Variants in STAG2 observed in about 807,000 individuals in gnomAD.
STAG2 encodes the protein STAG2 cohesin complex component, also known as cohesin subunit SA-2.
In STAG2, 14 loss-of-function variants were observed where a neutral mutation model predicts 108.1. The observed-to-expected ratio is 0.13, with a 90% CI of 0.09 to 0.20. The LOEUF (loss-of-function observed/expected upper bound fraction) is 0.20. Among genes scored for constraint, STAG2 ranks in the 10% least tolerant of loss-of-function variants. The pLI, the probability that STAG2 is intolerant of heterozygous loss-of-function variation, is 1.00. For synonymous variants in STAG2, 307 were observed against 302.7 expected (o/e 1.01, Z -0.15); for missense variants, 440 against 940.9 (o/e 0.47, Z 6.96).
chrX:124,025,983 A>G, intron 4 of STAG2, 65 bp downstream of exon 4: 1 of 824,292 alleles, frequency 1.2e-6, no homozygotes, highest in Non-Finnish European at 1.7e-6. Context: ...GATTTAAGTT[A>G]TGTCTCAGAT....
chrX:124,041,986 G>A (rs1363004902), intron 6 of STAG2, among the ~76,000 whole-genome samples: 3 of 110,927 alleles, frequency 2.7e-5, no homozygotes, highest in African/African-American at 9.8e-5. Context: ...TACTACTTTT[G>A]ACAGCTTCTT....
At chrX:124,058,154 CT>C (rs999044036) in intron 15 of STAG2, among the ~76,000 whole-genome samples, 177 bp downstream of exon 15, 263 of 72,921 alleles carry the variant, frequency 3.6e-3, no homozygotes, top group African/African-American at 6.0e-3. Flanking sequence ...TACTTTTCTT[CT>C]TTTTTTTTTT....
chrX:124,064,459 T>C (rs2058464517), intron 20 of STAG2, among the ~76,000 whole-genome samples: 1 of 108,709 alleles, frequency 9.2e-6, no homozygotes, highest in South Asian at 4.0e-4. Context: ...TTTTTTTTTT[T>C]TGGAGACGGA....
intron 23 of STAG2, among the ~76,000 whole-genome samples, chrX:124,066,932 T>G (rs1356519345): frequency 8.9e-6 from 1 of 111,978 alleles, no homozygotes; most frequent in Non-Finnish European, 1.9e-5. Flanking sequence ...TGATAATCCT[T>G]AATGTGTTTA....
intron 1 of STAG2, among the ~76,000 whole-genome samples, chrX:123,993,759 G>T (rs2055593726): frequency 9.0e-6 from 1 of 111,564 alleles, no homozygotes; most frequent in Non-Finnish European, 1.9e-5. Flanking sequence ...AAATACCTGA[G>T]ACCTGTATAC....
At chrX:124,029,103 G>A (rs1376502300) in intron 4 of STAG2, among the ~76,000 whole-genome samples, 1 of 103,779 alleles carries the variant, frequency 9.6e-6, no homozygotes, top group Non-Finnish European at 1.9e-5. Flanking sequence ...TGCAAGCTCC[G>A]CCTTCTGGGT....
intron 6 of STAG2, among the ~76,000 whole-genome samples, chrX:124,041,934 C>T (rs1014296588): frequency 9.0e-6 from 1 of 111,328 alleles, no homozygotes; most frequent in Non-Finnish European, 1.9e-5. Flanking sequence ...GGAGTCAGAG[C>T]TATAGCATTT....
intron 1 of STAG2, among the ~76,000 whole-genome samples, chrX:123,965,496 T>C (rs1415262852): frequency 8.9e-6 from 1 of 111,795 alleles, no homozygotes; most frequent in Non-Finnish European, 1.9e-5. Context: ...AGGCTAAGGC[T>C]CAGATCTATT....
chrX:124,069,835 G>C (rs1433977160), intron 24 of STAG2, among the ~76,000 whole-genome samples: 1 of 111,680 alleles, frequency 9.0e-6, no homozygotes, highest in Non-Finnish European at 1.9e-5. Flanking sequence ...CTATAATTCA[G>C]ATGAAAGGAA....
At chrX:124,073,153 A>G (rs1309501679) in intron 25 of STAG2, among the ~76,000 whole-genome samples, 1 of 110,332 alleles carries the variant, frequency 9.1e-6, no homozygotes, top group Admixed American at 9.8e-5. Context: ...AGAAGCTAAC[A>G]ACTGAAGTTA....
Position 124,100,705 on chromosome X carries a change from A to G in STAG2, c.*108A>G, listed in dbSNP as rs1215095369. The G allele has an allele frequency of 3.1e-6, 2 of 639,655 alleles. No homozygotes were observed. Among genetic ancestry groups the G allele is most frequent in the Admixed American group, 5.5e-5 (2 of 36,425 alleles). The allele number at this position is 639,655 out of a possible 1,213,427, so 52.7% of individuals were successfully genotyped here. ...TCTGTACAGATTTTTCTCTAAGGAGAATATGACATGCTTATGCTTACCAAG... is the reference window on the plus strand; with the variant it reads ...TCTGTACAGATTTTTCTCTAAGGAGGATATGACATGCTTATGCTTACCAAG... On this transcript the variant is annotated 3_prime_UTR_variant, in exon 35 of 35. Transcript: ENST00000371145.
At chrX:124,058,809 G>C in intron 15 of STAG2, among the ~76,000 whole-genome samples, 1 of 111,339 alleles carries the variant, frequency 9.0e-6, no homozygotes, top group Non-Finnish European at 1.9e-5. Context: ...ATTTATTTTT[G>C]GTGTTCATAT....
At chrX:124,026,045 G>A in intron 4 of STAG2, 127 bp downstream of exon 4, 1 of 384,215 alleles carries the variant, frequency 2.6e-6, no homozygotes, top group East Asian at 4.5e-5. Context: ...TGATTGGTAT[G>A]GTAAGCCTTC....
rs889570531 is a variant in STAG2 at position 124,101,604 on chromosome X, T to C, written c.*1007T>C. The C allele has an allele frequency of 2.5e-5, 4 of 159,944 alleles. No individual in the cohort carries two copies. The highest frequency in any genetic ancestry group is 3.6e-5 in the Non-Finnish European group (3 of 82,643). The allele number at this position is 159,944 out of a possible 1,213,427, so 13.2% of individuals were successfully genotyped here. On this transcript the variant is annotated 3_prime_UTR_variant, in exon 35 of 35. Coordinates refer to ENST00000371145, the MANE Select transcript of STAG2 (RefSeq NM_001042750.2). The stretch of plus-strand genomic sequence containing the variant: ...AAATATATTGAAAGTTTAACAATGT[T>C]TAAAAATAGAAAAGCATGAGTGTTC...
At chrX:124,016,779 C>T (rs997544742) in intron 1 of STAG2, among the ~76,000 whole-genome samples, 2 of 111,732 alleles carry the variant, frequency 1.8e-5, no homozygotes, top group African/African-American at 6.5e-5. Context: ...CTAGCCTGGG[C>T]AACATGGTGA....
intron 7 of STAG2, among the ~76,000 whole-genome samples, chrX:124,043,121 G>C (rs1569511069): frequency 9.2e-6 from 1 of 109,107 alleles, no homozygotes; most frequent in Non-Finnish European, 1.9e-5. Flanking sequence ...TGTTGTCTTA[G>C]TGTCAGTTGT....
intron 1 of STAG2, among the ~76,000 whole-genome samples, chrX:123,983,564 T>C (rs1028514874): frequency 7.2e-5 from 8 of 111,736 alleles, no homozygotes; most frequent in Non-Finnish European, 1.3e-4. Context: ...TAACTTAGCC[T>C]GCTTCTTGAT....
intron 30 of STAG2, among the ~76,000 whole-genome samples, chrX:124,088,471 T>C (rs912956461): frequency 9.0e-6 from 1 of 111,368 alleles, no homozygotes; most frequent in African/African-American, 3.3e-5. Flanking sequence ...GGAGCCTGAA[T>C]GCAGTAGAAC....
At chrX:124,081,583 T>C in intron 28 of STAG2, 55 bp downstream of exon 28, 1 of 960,466 alleles carries the variant, frequency 1.0e-6, no homozygotes. Flanking sequence ...GAAACTTTAT[T>C]TTTAAATCTA....
Sources: gnomAD v4.1 joint callset for allele counts (sites outside exome capture counted in the v4.1 genomes callset) on GRCh38, gnomAD v4.1.1 for gene constraint, MANE v1.5 for transcripts, NCBI Gene and HGNC (gene_info 2026-07-23, HGNC 2026-07-21) for gene names.